C17orf75: variants seen among roughly 807,000 people sequenced by gnomAD.
C17orf75 encodes protein Njmu-R1.
In C17orf75, 32 loss-of-function variants were observed where a neutral mutation model predicts 49.6. The observed-to-expected ratio is 0.65, with a 90% CI of 0.49 to 0.87. The LOEUF is 0.87. Ranked by LOEUF, C17orf75 falls within the 40% of genes least tolerant of loss-of-function variation. The pLI, the probability that C17orf75 is intolerant of heterozygous loss-of-function variation, is 0.00. For synonymous variants in C17orf75, 158 were observed against 159.5 expected (o/e 0.99, Z 0.07); for missense variants, 428 against 473.9 (o/e 0.90, Z 0.90).
upstream of C17orf75, among the ~76,000 whole-genome samples, chr17:32,344,568 G>T (rs1336567708): frequency 6.8e-6 from 1 of 147,704 alleles, no homozygotes; most frequent in Non-Finnish European, 1.5e-5. Context: ...TCCAGCCTGG[G>T]CCATAGAGCC....
At chr17:32,340,262 G>C (rs889012274) in intron 2 of C17orf75, among the ~76,000 whole-genome samples, 1 of 151,880 alleles carries the variant, frequency 6.6e-6, no homozygotes, top group African/African-American at 2.4e-5. Context: ...TAATTCCATG[G>C]TCAGTCATTA....
At chr17:32,332,934 T>G (rs1001885816) in intron 9 of C17orf75, among the ~76,000 whole-genome samples, 1 of 152,178 alleles carries the variant, frequency 6.6e-6, no homozygotes, top group African/African-American at 2.4e-5. Context: ...CTCAGCCACC[T>G]GACATAGCCA....
In C17orf75 at chr17:32,329,067, G is replaced by T. The variant is rs1374663436; in HGVS notation, c.*2696C>A. On this transcript the variant is annotated 3_prime_UTR_variant, in exon 10 of 10. Coordinates refer to ENST00000577809, the MANE Select transcript of C17orf75 (RefSeq NM_022344.4). Reference sequence around the variant, plus strand: ...TACAGTAGTGATACAGAGTTTGTCAGACTTTTTTTTTTTTTTTGAGACGGA... The same window carrying T: ...TACAGTAGTGATACAGAGTTTGTCATACTTTTTTTTTTTTTTTGAGACGGA... The T allele has an allele frequency of 2.0e-5, 3 of 151,438 alleles. No individual in the cohort carries two copies. Among genetic ancestry groups the T allele is most frequent in the Non-Finnish European group, 4.4e-5 (3 of 67,936 alleles). 9.4% of individuals were successfully genotyped at this position (151,438 alleles called of 1,614,324 possible).
At chr17:32,342,377 T>C (rs2041390427), upstream of C17orf75, 1 of 509,168 alleles carries the variant, frequency 2.0e-6, no homozygotes, top group Non-Finnish European at 3.0e-6. Flanking sequence ...GAACTTATTT[T>C]CCTTTGAGAC....
intron 2 of C17orf75, 81 bp from the exon 3 acceptor site, chr17:32,340,019 G>A (rs775034007): frequency 4.7e-5 from 72 of 1,525,390 alleles, no homozygotes; most frequent in Non-Finnish European, 5.4e-5. Context: ...TGGTACCAAC[G>A]CCAGGGGCTC....
rs577054769 is a variant in C17orf75 at position 32,349,978 on chromosome 17, T to C, written c.-43A>G. On this transcript the variant is annotated 5_prime_UTR_variant, in exon 1 of 9. Coordinates refer to the C17orf75 transcript ENST00000583774. ...GCTCCTTTACAAATGAAACCCAAAG[T>C]GCTCCGCAAGCACAGCCAGCGAAAG... is the stretch of plus-strand genomic sequence containing the variant. The C allele has an allele frequency of 1.7e-5, 21 of 1,221,708 alleles. No individual in the cohort carries two copies. In the East Asian group the frequency reaches 7.2e-4, roughly 42 times the overall value. 75.7% of individuals were successfully genotyped at this position (1,221,708 alleles called of 1,614,324 possible). A position where few individuals can be genotyped will look rare whatever the true frequency, so the allele number is the denominator to read the frequency against.
At chr17:32,341,960 A>C in intron 1 of C17orf75, 40 bp downstream of exon 1, 1 of 1,322,110 alleles carries the variant, frequency 7.6e-7, no homozygotes, top group Non-Finnish European at 9.7e-7. Context: ...GCGGGGCCGC[A>C]GGGGCGGGCG....
At chr17:32,334,914 C>T in intron 6 of C17orf75, 75 bp from the exon 7 acceptor site, 2 of 1,185,222 alleles carry the variant, frequency 1.7e-6, no homozygotes, top group African/African-American at 3.1e-5. Flanking sequence ...GACTAAATGT[C>T]CCCATAAGTC....
chr17:32,341,669 A>G, intron 1 of C17orf75: 1 of 413,026 alleles, frequency 2.4e-6, no homozygotes, highest in African/African-American at 2.1e-5. Context: ...AATGACAGAA[A>G]GGAGAGGGGA....
intron 2 of C17orf75, chr17:32,340,844 T>A (rs2041372852): frequency 4.7e-6 from 1 of 213,470 alleles, no homozygotes; most frequent in Non-Finnish European, 9.6e-6. Context: ...CTGGGGAGGC[T>A]GAGGTGAGAG....
chr17:32,333,804 A>T (rs2041299886), intron 8 of C17orf75, among the ~76,000 whole-genome samples: 1 of 152,174 alleles, frequency 6.6e-6, no homozygotes, highest in South Asian at 2.1e-4. Context: ...ATAATGAATT[A>T]TTTAAGACAT....
upstream of C17orf75, among the ~76,000 whole-genome samples, chr17:32,345,594 G>T (rs1348740689): frequency 6.7e-6 from 1 of 150,212 alleles, no homozygotes; most frequent in Non-Finnish European, 1.5e-5. Flanking sequence ...CACTTTGGAA[G>T]GCTGAGGCAG....
At chr17:32,342,402 C>G, upstream of C17orf75, 1 of 377,738 alleles carries the variant, frequency 2.6e-6, no homozygotes, top group East Asian at 5.6e-5. Context: ...GGGAAACTTT[C>G]TATGTGATAA....
At chr17:32,344,896 G>C (rs2041413091), upstream of C17orf75, among the ~76,000 whole-genome samples, 1 of 151,606 alleles carries the variant, frequency 6.6e-6, no homozygotes, top group Admixed American at 6.6e-5. Flanking sequence ...GACAGAGTGA[G>C]ACTCTGTCTC....
chr17:32,346,046 G>A (rs895243871), upstream of C17orf75, among the ~76,000 whole-genome samples: 2 of 151,820 alleles, frequency 1.3e-5, no homozygotes, highest in Admixed American at 6.6e-5. Flanking sequence ...AAATAAACAC[G>A]AGTTCATTCT....
chr17:32,341,772 G>A (rs1037197798), intron 1 of C17orf75: 2 of 1,030,606 alleles, frequency 1.9e-6, no homozygotes, highest in African/African-American at 1.7e-5. Context: ...GGCAGATGAA[G>A]GGCACAGGCA....
intron 1 of C17orf75, among the ~76,000 whole-genome samples, chr17:32,348,184 A>C (rs1386998901): frequency 6.7e-6 from 1 of 150,136 alleles, no homozygotes; most frequent in East Asian, 2.0e-4. Flanking sequence ...CGCCTGGCTA[A>C]TTTTTTTTTG....
At chr17:32,341,835 G>C (rs890004153) in intron 1 of C17orf75, 165 bp downstream of exon 1, 2 of 1,071,464 alleles carry the variant, frequency 1.9e-6, no homozygotes, top group African/African-American at 3.4e-5. Flanking sequence ...AGCAGCGGGA[G>C]GCGAGGAGCG....
At chr17:32,346,448 T>TG (rs2041425889), upstream of C17orf75, among the ~76,000 whole-genome samples, 2 of 152,182 alleles carry the variant, frequency 1.3e-5, no homozygotes, top group African/African-American at 4.8e-5. Context: ...GACAGGATAT[T>TG]GCTTTGTTGC....
Sources: gnomAD v4.1 joint callset for allele counts (sites outside exome capture counted in the v4.1 genomes callset) on GRCh38, gnomAD v4.1.1 for gene constraint, MANE v1.5 for transcripts, NCBI Gene and HGNC (gene_info 2026-07-23, HGNC 2026-07-21) for gene names.